Variants in AFF3 observed in about 807,000 individuals in gnomAD.
AFF3 encodes the protein ALF transcription elongation factor 3.
Under a neutral mutation model 129.7 loss-of-function variants are expected in AFF3, and 32 were observed. That is an observed-to-expected ratio of 0.25 (90% confidence interval 0.19 to 0.33). AFF3 has a LOEUF of 0.33. Ranked by LOEUF, AFF3 falls within the 10% of genes least tolerant of loss-of-function variation. The pLI is 1.00. For synonymous variants in AFF3, 644 were observed against 635.4 expected (o/e 1.01, Z -0.20); for missense variants, 1,373 against 1,592.0 (o/e 0.86, Z 2.34).
intron 4 of AFF3, among the ~76,000 whole-genome samples, chr2:100,053,141 C>T (rs1403294617): frequency 6.6e-6 from 1 of 152,204 alleles, no homozygotes; most frequent in African/African-American, 2.4e-5. Context: ...TACCTTTTAT[C>T]ATCAATTATC....
chr2:99,991,968 A>C (rs761124266), intron 7 of AFF3, among the ~76,000 whole-genome samples: 4 of 152,106 alleles, frequency 2.6e-5, no homozygotes, highest in Non-Finnish European at 5.9e-5. Flanking sequence ...TTGACAGATT[A>C]AATGGAACTT....
At chr2:100,106,193 C>T in intron 2 of AFF3, 1 of 1,191,692 alleles carries the variant, frequency 8.4e-7, no homozygotes, top group African/African-American at 1.6e-5. Flanking sequence ...CATTAGCATC[C>T]ATAACTAATG....
At chr2:99,585,459 T>C (rs1488070312) in intron 16 of AFF3, among the ~76,000 whole-genome samples, 1 of 152,208 alleles carries the variant, frequency 6.6e-6, no homozygotes, top group Non-Finnish European at 1.5e-5. Flanking sequence ...CTAAGCATTT[T>C]ATATGCATTG....
chr2:99,720,062 C>CAAAT (rs1318691746), intron 11 of AFF3, among the ~76,000 whole-genome samples: 7 of 152,132 alleles, frequency 4.6e-5, no homozygotes, highest in Admixed American at 2.0e-4. Flanking sequence ...AACAAACAAA[C>CAAAT]AAATAAATAA....
chr2:100,076,604 G>C (rs1688608007), intron 4 of AFF3, among the ~76,000 whole-genome samples: 1 of 152,156 alleles, frequency 6.6e-6, no homozygotes. Context: ...AGCACACTCT[G>C]CTTCTGAGGA....
Position 99,593,864 on chromosome 2 carries a change from G to T in AFF3, c.1797C>A (p.Gly599=). The change falls in exon 15 of 25, where the codon GGC becomes GGA. Residue 599 remains glycine (G), a synonymous_variant. Coordinates refer to ENST00000672756, the MANE Select transcript of AFF3 (RefSeq NM_001386135.1). ...RRTERTSAGD[G]ANCHRPEEPA... ...GCTCCTCGGGCCGGTGGCAGTTGGC[G>T]CCGTCCCCGGCTGAGGTCCTCTCGG... 6.4e-7 allele frequency: 1 copy of T among 1,569,138 alleles called. No homozygotes were observed.
At chr2:99,739,596 A>T (rs2105100763) in intron 10 of AFF3, among the ~76,000 whole-genome samples, 1 of 151,906 alleles carries the variant, frequency 6.6e-6, no homozygotes, top group Admixed American at 6.5e-5. Context: ...TCAATTGATC[A>T]GTAATTCAGC....
chr2:99,764,294 C>T (rs1281893146), intron 8 of AFF3, among the ~76,000 whole-genome samples: 1 of 152,130 alleles, frequency 6.6e-6, no homozygotes. Flanking sequence ...CTTCAGCTTC[C>T]CTGGAAACTG....
Position 100,008,794 on chromosome 2 carries a change from C to T in AFF3, c.174+18G>A. 1 of 1,610,652 alleles carries T rather than the reference C, an allele frequency of 6.2e-7. No homozygotes were observed. The highest frequency in any genetic ancestry group is 8.5e-7 in the Non-Finnish European group (1 of 1,178,406). ...GAAACAAGTGAGAGGTAGAGATGAA[C>T]AACTGAAAACCATCTACCTTGTAGG... On this transcript the variant is annotated intron_variant, in intron 5 of 24. Transcript: ENST00000672756.
intron 8 of AFF3, among the ~76,000 whole-genome samples, chr2:99,810,675 G>A (rs1256374158): frequency 1.3e-5 from 2 of 151,968 alleles, no homozygotes; most frequent in Non-Finnish European, 2.9e-5. Flanking sequence ...TTCCATCTCC[G>A]CTTAACAAAT....
chr2:100,009,428 A>C (rs1195808489), intron 4 of AFF3, among the ~76,000 whole-genome samples: 1 of 151,552 alleles, frequency 6.6e-6, no homozygotes, highest in African/African-American at 2.4e-5. Flanking sequence ...AGTGGTTTTC[A>C]CAGTTATGAG....
chr2:100,106,035 C>A (rs921483631), intron 2 of AFF3: 1 of 1,318,898 alleles, frequency 7.6e-7, no homozygotes, highest in East Asian at 4.7e-5. Context: ...TCTCACCTCA[C>A]CCACCTCCGA....
chr2:99,644,392 T>C (rs1684508286), intron 13 of AFF3, among the ~76,000 whole-genome samples: 1 of 152,206 alleles, frequency 6.6e-6, no homozygotes, highest in African/African-American at 2.4e-5. Context: ...TTGCAGCCTC[T>C]CGTATTTCTA....
At chr2:99,611,690 C>A (rs999998667) in intron 13 of AFF3, among the ~76,000 whole-genome samples, 1 of 152,096 alleles carries the variant, frequency 6.6e-6, no homozygotes, top group African/African-American at 2.4e-5. Flanking sequence ...AGTTCGAGAG[C>A]AGCCTGGCCA....
chr2:99,694,010 C>T (rs1014385325), intron 11 of AFF3, among the ~76,000 whole-genome samples: 3 of 151,940 alleles, frequency 2.0e-5, no homozygotes, highest in African/African-American at 4.8e-5. Context: ...CGCTGCCTCC[C>T]GGGTTCAAGT....
intron 12 of AFF3, among the ~76,000 whole-genome samples, chr2:99,666,652 T>A (rs990086041): frequency 2.0e-5 from 3 of 152,162 alleles, no homozygotes; most frequent in African/African-American, 7.2e-5. Flanking sequence ...ATGCTGTATA[T>A]AAGAAACTCA....
rs55672296 is a variant in AFF3, at chr2:99,946,473, T to TAAAAAAAAAA, written c.873+60149_873+60158dup. Among the ~76,000 whole-genome samples the TAAAAAAAAAA allele has an allele frequency of 1.0e-3, 53 of 50,502 alleles. 1 individual carries two copies. The highest frequency in any genetic ancestry group is 1.7e-3 in the African/African-American group (19 of 11,198). 33.1% of individuals were successfully genotyped at this position (50,502 alleles called of 152,430 possible). On this transcript the variant is annotated intron_variant, in intron 7 of 24. Coordinates refer to ENST00000672756, the MANE Select transcript of AFF3 (RefSeq NM_001386135.1). ...TGGTTGACAGAGTGAGACGCCATCT[T>TAAAAAAAAAA]AAAAAAAAAAAAAAAAAAAAAAAAA...
chr2:99,803,702 C>A (rs951146483), intron 8 of AFF3, among the ~76,000 whole-genome samples: 1 of 152,080 alleles, frequency 6.6e-6, no homozygotes. Context: ...TTATAGTAAC[C>A]AAAACAGCAT....
At chr2:99,696,004 CA>C (rs1676228497) in intron 11 of AFF3, among the ~76,000 whole-genome samples, 1 of 145,322 alleles carries the variant, frequency 6.9e-6, no homozygotes, top group African/African-American at 2.6e-5. Flanking sequence ...AACAAAGCCC[CA>C]ACCACTCCAA....
Sources: gnomAD v4.1 joint callset for allele counts (sites outside exome capture counted in the v4.1 genomes callset) on GRCh38, gnomAD v4.1.1 for gene constraint, MANE v1.5 for transcripts, NCBI Gene and HGNC (gene_info 2026-07-23, HGNC 2026-07-21) for gene names.